Variants in DEUP1 observed in about 807,000 individuals in gnomAD.
DEUP1 encodes the protein coiled-coil domain containing 67.
A neutral mutation model predicts 87.4 loss-of-function variants in DEUP1; 82 were observed. That is an observed-to-expected ratio of 0.94 (90% CI 0.78 to 1.13). The LOEUF is 1.13. DEUP1 is among the 50% of genes most tolerant of loss of function. The probability of loss-of-function intolerance (pLI) is 0.00; values close to 1 mark genes in which losing one functional copy is unlikely to be tolerated. For synonymous variants in DEUP1, 214 were observed against 222.7 expected (o/e 0.96, Z 0.35); for missense variants, 663 against 681.5 (o/e 0.97, Z 0.30).
intron 7 of DEUP1, among the ~76,000 whole-genome samples, chr11:93,379,756 A>C (rs956718695): frequency 6.6e-6 from 1 of 152,100 alleles, no homozygotes; most frequent in South Asian, 2.1e-4. Flanking sequence ...GCTTACATGC[A>C]CACCTGAGAA....
intron 7 of DEUP1, among the ~76,000 whole-genome samples, chr11:93,385,190 G>A (rs1210133403): frequency 1.3e-5 from 2 of 152,166 alleles, no homozygotes; most frequent in Non-Finnish European, 2.9e-5. Context: ...CTGCACTCCA[G>A]CCTGGGCAAC....
intron 13 of DEUP1, among the ~76,000 whole-genome samples, chr11:93,435,758 A>G (rs950486365): frequency 6.6e-6 from 1 of 152,128 alleles, no homozygotes; most frequent in Non-Finnish European, 1.5e-5. Flanking sequence ...GCACTTTGGG[A>G]GGCCGAGGAG....
At chr11:93,351,989 G>T (rs1156438893) in intron 2 of DEUP1, among the ~76,000 whole-genome samples, 2 of 152,138 alleles carry the variant, frequency 1.3e-5, no homozygotes, top group Admixed American at 1.3e-4. Context: ...TGTGTCTTTT[G>T]CTGTGTGGTA....
At chr11:93,416,295 A>G (rs964981512) in intron 13 of DEUP1, among the ~76,000 whole-genome samples, 1 of 152,146 alleles carries the variant, frequency 6.6e-6, no homozygotes, top group African/African-American at 2.4e-5. Flanking sequence ...CAAGACTAAT[A>G]AAGAAAAAAA....
At chr11:93,331,865 G>A (rs578253113) in intron 1 of DEUP1, among the ~76,000 whole-genome samples, 5 of 152,186 alleles carry the variant, frequency 3.3e-5, no homozygotes, top group Admixed American at 2.6e-4. Flanking sequence ...ATCAACATGC[G>A]AAACCCCGTC....
intron 12 of DEUP1, 29 bp downstream of exon 12, chr11:93,408,456 A>G (rs1186800493): frequency 7.6e-7 from 1 of 1,317,882 alleles, no homozygotes; most frequent in Non-Finnish European, 1.0e-6. Context: ...ATAAGGGCAT[A>G]AGTTTAAAAA....
intron 13 of DEUP1, among the ~76,000 whole-genome samples, chr11:93,415,738 T>C (rs1271649490): frequency 6.6e-6 from 1 of 152,062 alleles, no homozygotes; most frequent in South Asian, 2.1e-4. Flanking sequence ...TGATATATAT[T>C]ATTTTGTTTC....
intron 4 of DEUP1, among the ~76,000 whole-genome samples, chr11:93,358,767 G>C (rs887206675): frequency 3.3e-5 from 5 of 152,142 alleles, no homozygotes; most frequent in African/African-American, 1.2e-4. Context: ...ATTTTTAATA[G>C]AGATGGTGTT....
intron 10 of DEUP1, 125 bp downstream of exon 10, chr11:93,394,781 GA>G: frequency 2.9e-6 from 2 of 683,284 alleles, no homozygotes; most frequent in Non-Finnish European, 4.7e-6. Context: ...TAGCTTCACA[GA>G]AATGCTTTGT....
chr11:93,416,655 G>C (rs1246861009), intron 13 of DEUP1, among the ~76,000 whole-genome samples: 1 of 151,662 alleles, frequency 6.6e-6, no homozygotes, highest in East Asian at 1.9e-4. Flanking sequence ...TAGAAAAAGA[G>C]GGAATCCTCC....
chr11:93,386,192 T>C (rs950875659), intron 8 of DEUP1, among the ~76,000 whole-genome samples: 4 of 152,224 alleles, frequency 2.6e-5, no homozygotes, highest in Non-Finnish European at 5.9e-5. Flanking sequence ...CTTGTACATA[T>C]TGTATTTATT....
intron 13 of DEUP1, among the ~76,000 whole-genome samples, chr11:93,429,821 T>G (rs1335837836): frequency 1.3e-5 from 2 of 152,160 alleles, no homozygotes; most frequent in African/African-American, 4.8e-5. Flanking sequence ...TCTACATTAC[T>G]CTTTTAAGGA....
intron 7 of DEUP1, among the ~76,000 whole-genome samples, chr11:93,378,193 A>G (rs1468515919): frequency 6.6e-6 from 1 of 152,232 alleles, no homozygotes; most frequent in Admixed American, 6.5e-5. Context: ...TATTCCCTCA[A>G]ATATGTTTTC....
At chr11:93,335,109 C>T (rs917184094) in intron 2 of DEUP1, among the ~76,000 whole-genome samples, 2 of 152,188 alleles carry the variant, frequency 1.3e-5, no homozygotes, top group African/African-American at 2.4e-5. Flanking sequence ...TTAGTGTTCT[C>T]ACCATCATTT....
intron 6 of DEUP1, among the ~76,000 whole-genome samples, 175 bp downstream of exon 6, chr11:93,370,361 C>A (rs1424771711): frequency 6.6e-6 from 1 of 152,176 alleles, no homozygotes; most frequent in African/African-American, 2.4e-5. Context: ...TGAGTTTAGT[C>A]TACATGTCTC....
intron 2 of DEUP1, among the ~76,000 whole-genome samples, chr11:93,338,877 G>A (rs1943912077): frequency 6.6e-6 from 1 of 152,184 alleles, no homozygotes; most frequent in South Asian, 2.1e-4. Flanking sequence ...AAAGCAGGGT[G>A]TGAAAAAATG....
Position 93,337,433 on chromosome 11 carries a change from A to G in DEUP1, c.29+5145A>G, listed in dbSNP as rs1444734641. On this transcript the variant is annotated intron_variant, in intron 2 of 13. Transcript: ENST00000298050. ...AATAAATTATATATTATTTTTGCAC[A>G]TTGAAAATTCTTTTTAAATTTGGTT... 2.0e-5 allele frequency among the ~76,000 whole-genome samples: 3 copies of G among 152,094 alleles called. No individual in the cohort carries two copies. In the East Asian group the frequency reaches 5.8e-4, roughly 29 times the overall value.
intron 13 of DEUP1, among the ~76,000 whole-genome samples, chr11:93,419,184 AT>A (rs58311488): frequency 0.35 from 49,124 of 141,408 alleles, 8,507 homozygotes; most frequent in African/African-American, 0.47. Context: ...AAGTATAATA[AT>A]AAAAAAAAAA....
At chr11:93,416,280 G>A (rs560378417) in intron 13 of DEUP1, among the ~76,000 whole-genome samples, 2 of 152,122 alleles carry the variant, frequency 1.3e-5, no homozygotes, top group African/African-American at 2.4e-5. Flanking sequence ...TTGATAGACT[G>A]CTAACAAGAC....
Sources: gnomAD v4.1 joint callset for allele counts (sites outside exome capture counted in the v4.1 genomes callset) on GRCh38, gnomAD v4.1.1 for gene constraint, MANE v1.5 for transcripts, NCBI Gene and HGNC (gene_info 2026-07-23, HGNC 2026-07-21) for gene names.